Variants in SLC10A7 observed in about 807,000 individuals in gnomAD.
SLC10A7 encodes solute carrier family 10 member 7, also known as sodium/bile acid cotransporter 7.
SLC10A7 carries 29 observed loss-of-function variants against 43.2 expected under a neutral mutation model. The ratio of observed to expected loss-of-function variants is 0.67; its 90% CI spans 0.50 to 0.92. The LOEUF (loss-of-function observed/expected upper bound fraction) is 0.92, where lower values mean the gene tolerates loss of function less well. Ranked by LOEUF, SLC10A7 falls within the 40% of genes least tolerant of loss-of-function variation. The pLI is 0.00. For synonymous variants in SLC10A7, 152 were observed against 144.8 expected (o/e 1.05, Z -0.35); for missense variants, 295 against 403.2 (o/e 0.73, Z 2.30).
rs530259335 is a variant in SLC10A7, at chr4:146,310,483, CTGT to C, written c.472-4477_472-4475del. 1.4e-3 allele frequency among the ~76,000 whole-genome samples: 219 copies of C among 152,174 alleles called. 2 individuals carry two copies. The highest frequency in any genetic ancestry group is 5.0e-3 in the African/African-American group (206 of 41,524). On this transcript the variant is annotated intron_variant, in intron 6 of 11. Transcript: ENST00000335472. ...CTTTTCTCTGTAGCCTCTCCAGTAT[CTGT>C]TGTTTTTTCACTTTCTAATAGTAGC...
chr4:146,502,668 A>C (rs146863636), intron 4 of SLC10A7, among the ~76,000 whole-genome samples: 6 of 152,184 alleles, frequency 3.9e-5, no homozygotes, highest in Non-Finnish European at 8.8e-5. Flanking sequence ...ACAAAATACT[A>C]CTCCTCAGCA....
chr4:146,306,980 A>T (rs1731622177), intron 6 of SLC10A7, among the ~76,000 whole-genome samples: 1 of 152,154 alleles, frequency 6.6e-6, no homozygotes, highest in South Asian at 2.1e-4. Context: ...TTGGAAAACA[A>T]TTTTTGTGAA....
intron 5 of SLC10A7, among the ~76,000 whole-genome samples, chr4:146,333,257 C>T (rs1361687397): frequency 6.6e-6 from 1 of 152,000 alleles, no homozygotes; most frequent in Non-Finnish European, 1.5e-5. Flanking sequence ...TAGATTTGGC[C>T]TATTATCTTT....
chr4:146,516,592 T>C (rs1390537144), intron 2 of SLC10A7, among the ~76,000 whole-genome samples: 3 of 151,782 alleles, frequency 2.0e-5, no homozygotes. Context: ...AACAATAAGC[T>C]TTTCTAAATA....
chr4:146,299,040 C>G (rs17021358), intron 7 of SLC10A7, among the ~76,000 whole-genome samples: 3,563 of 152,306 alleles, frequency 0.023, 149 homozygotes, highest in African/African-American at 0.082. Flanking sequence ...GAATGACAAA[C>G]TTTTATCACC....
intron 5 of SLC10A7, among the ~76,000 whole-genome samples, chr4:146,380,916 A>G (rs1737571372): frequency 6.6e-6 from 1 of 152,176 alleles, no homozygotes; most frequent in South Asian, 2.1e-4. Context: ...ATATACACCT[A>G]AGCATTTATT....
chr4:146,427,685 A>C (rs902025413), intron 5 of SLC10A7, among the ~76,000 whole-genome samples: 3 of 152,186 alleles, frequency 2.0e-5, no homozygotes. Context: ...AAGAGGGAAA[A>C]GAAACATTTA....
intron 9 of SLC10A7, among the ~76,000 whole-genome samples, chr4:146,289,923 C>A (rs1483404900): frequency 6.7e-6 from 1 of 149,764 alleles, no homozygotes; most frequent in Admixed American, 6.6e-5. Flanking sequence ...GCCATGTTGG[C>A]CTGGCTGGTT....
At chr4:146,481,760 G>A (rs1235491851) in intron 4 of SLC10A7, among the ~76,000 whole-genome samples, 1 of 152,112 alleles carries the variant, frequency 6.6e-6, no homozygotes, top group Non-Finnish European at 1.5e-5. Context: ...AGTCCCAGGT[G>A]CTAATAGTAA....
chr4:146,387,493 A>G (rs1029729959), intron 5 of SLC10A7, among the ~76,000 whole-genome samples: 3 of 152,208 alleles, frequency 2.0e-5, no homozygotes, highest in African/African-American at 7.2e-5. Context: ...TGCATCAGGG[A>G]AAAGTTGAAA....
chr4:146,515,969 A>G (rs1435278585), intron 2 of SLC10A7, among the ~76,000 whole-genome samples: 1 of 151,790 alleles, frequency 6.6e-6, no homozygotes, highest in Non-Finnish European at 1.5e-5. Flanking sequence ...CGATGGCTAC[A>G]GAATACATAA....
intron 6 of SLC10A7, among the ~76,000 whole-genome samples, chr4:146,309,847 G>A (rs899335886): frequency 6.6e-6 from 1 of 152,026 alleles, no homozygotes; most frequent in South Asian, 2.1e-4. Flanking sequence ...GATTCAGGGG[G>A]TACACGTGCA....
chr4:146,316,733 A>G (rs1164494076), intron 6 of SLC10A7, among the ~76,000 whole-genome samples: 2 of 152,072 alleles, frequency 1.3e-5, no homozygotes, highest in Non-Finnish European at 2.9e-5. Context: ...ACAAGATTAT[A>G]AAATTATAGA....
chr4:146,462,057 C>T (rs1483038197), intron 4 of SLC10A7, among the ~76,000 whole-genome samples: 1 of 151,698 alleles, frequency 6.6e-6, no homozygotes, highest in Non-Finnish European at 1.5e-5. Context: ...AGCTTATTTT[C>T]ATAATTTAGT....
intron 4 of SLC10A7, among the ~76,000 whole-genome samples, chr4:146,459,615 CA>C (rs1223959898): frequency 3.1e-4 from 45 of 143,264 alleles, no homozygotes; most frequent in Admixed American, 4.9e-4. Flanking sequence ...CATCCACACA[CA>C]AAAAAAAAAA....
intron 7 of SLC10A7, among the ~76,000 whole-genome samples, chr4:146,301,842 T>G (rs1731180419): frequency 6.6e-6 from 1 of 152,068 alleles, no homozygotes; most frequent in South Asian, 2.1e-4. Flanking sequence ...GATGCAAGCA[T>G]ATAGGTTTCT....
intron 4 of SLC10A7, among the ~76,000 whole-genome samples, chr4:146,445,215 T>C: frequency 6.6e-6 from 1 of 152,148 alleles, no homozygotes; most frequent in South Asian, 2.1e-4. Flanking sequence ...ACTTTGGTAA[T>C]TCTATTTAAT....
chr4:146,378,621 T>C (rs1298172820), intron 5 of SLC10A7, among the ~76,000 whole-genome samples: 1 of 152,214 alleles, frequency 6.6e-6, no homozygotes, highest in Non-Finnish European at 1.5e-5. Context: ...TTTTACGACA[T>C]GTCTATTTTC....
At chr4:146,510,115 T>G in intron 2 of SLC10A7, 66 bp from the exon 3 acceptor site, 1 of 1,459,012 alleles carries the variant, frequency 6.9e-7, no homozygotes, top group Middle Eastern at 1.8e-4. Context: ...AGATCCCTAC[T>G]AAAATAACAT....
Sources: allele counts gnomAD v4.1 joint callset (sites outside exome capture counted in the v4.1 genomes callset), GRCh38; gene constraint gnomAD v4.1.1; transcripts MANE v1.5; gene names NCBI Gene and HGNC (gene_info 2026-07-23, HGNC 2026-07-21).